COL6A6: variants seen among roughly 807,000 people sequenced by gnomAD.
The protein encoded by COL6A6 is collagen alpha-6(VI) chain.
COL6A6 carries 183 observed loss-of-function variants against 208.6 expected under a neutral mutation model. The ratio of observed to expected loss-of-function variants is 0.88; its 90% CI spans 0.78 to 0.99. COL6A6 has a LOEUF of 0.99. Among genes scored for constraint, COL6A6 ranks in the 50% least tolerant of loss-of-function variants. COL6A6 has a pLI of 0.00. For missense variants in COL6A6, 2,816 were observed against 2,815.2 expected, an observed-to-expected ratio of 1.00 and a Z score of -0.01; for synonymous variants, 973 against 1,011.8, an observed-to-expected ratio of 0.96 and a Z score of 0.73.
intron 1 of COL6A6, among the ~76,000 whole-genome samples, chr3:130,553,572 C>G (rs1009154970): frequency 6.6e-6 from 1 of 151,872 alleles, no homozygotes; most frequent in African/African-American, 2.4e-5. Flanking sequence ...TACTTAGAAT[C>G]CTTGGATTTG....
Position 130,641,703 on chromosome 3 carries a change from C to A in COL6A6, c.5143C>A (p.Pro1715Thr). Residue 1715 changes from proline (P) to threonine (T), a missense_variant, in exon 29 of 37, where the codon CCT becomes ACT. Transcript: ENST00000358511. ...EMGSPGEPGP[P>T]GRKGVKGAKG... ...GGGATCCCCTGGGGAACCAGGACCT[C>A]CTGGACGTAAGGTAAGTAGAAAAAC... 7 of 1,594,086 alleles carry A rather than the reference C, an allele frequency of 4.4e-6. No individual in the cohort carries two copies. The highest frequency in any genetic ancestry group is 6.0e-6 in the Non-Finnish European group (7 of 1,163,524).
In COL6A6 at chr3:130,566,963, C is replaced by A. The variant is rs769406385; in HGVS notation, c.1544C>A (p.Thr515Lys). The A allele has an allele frequency of 1.1e-5, 18 of 1,614,030 alleles. No homozygotes were observed. The highest frequency in any genetic ancestry group is 1.5e-5 in the Non-Finnish European group (18 of 1,179,888). ...AGGCAGATGGGTGGGAATACAAACA[C>A]AGGCGCAGCACTGAATTTCACACTG... is the stretch of plus-strand genomic sequence containing the variant. Reference protein sequence around the residue: ...NIRQMGGNTNTGAALNFTLSL... With the variant: ...NIRQMGGNTNKGAALNFTLSL... Residue 515 changes from threonine (T) to lysine (K), a missense_variant, in exon 5 of 37, where the codon ACA (threonine) becomes AAA (lysine). By Grantham distance (78) the Thr-to-Lys change is moderately conservative. Coordinates refer to ENST00000358511, the MANE Select transcript of COL6A6 (RefSeq NM_001102608.3).
chr3:130,634,983 C>T (rs960563860), intron 27 of COL6A6, among the ~76,000 whole-genome samples: 3 of 152,054 alleles, frequency 2.0e-5, no homozygotes, highest in Non-Finnish European at 4.4e-5. Context: ...GCCTGTAATC[C>T]CAGCACTTTG....
At chr3:130,616,247 A>C (rs2064517466) in intron 23 of COL6A6, among the ~76,000 whole-genome samples, 1 of 152,160 alleles carries the variant, frequency 6.6e-6, no homozygotes, top group Non-Finnish European at 1.5e-5. Flanking sequence ...CACAAGGACC[A>C]GCCACTGGAA....
rs747183500 is a variant in COL6A6, at chr3:130,641,681, A to G, written c.5121A>G (p.Gly1707=). ...CTGCTGGGCTTCCAGGAGAGATGGG[A>G]TCCCCTGGGGAACCAGGACCTCCTG... ...MISAGLPGEM[G]SPGEPGPPGR... Residue 1707 remains glycine (G), a synonymous_variant, in exon 29 of 37, where the codon GGA becomes GGG. Coordinates refer to ENST00000358511, the MANE Select transcript of COL6A6 (RefSeq NM_001102608.3). 1 of 1,601,854 alleles carries G rather than the reference A, an allele frequency of 6.2e-7. No individual in the cohort carries two copies. Among genetic ancestry groups the G allele is most frequent in the South Asian group, 1.1e-5 (1 of 90,182 alleles).
intron 3 of COL6A6, among the ~76,000 whole-genome samples, chr3:130,564,335 C>T (rs1166220468): frequency 6.6e-6 from 1 of 152,148 alleles, no homozygotes; most frequent in Non-Finnish European, 1.5e-5. Context: ...ACTCTAGTAA[C>T]AAGAATGGTC....
At chr3:130,663,235 G>C (rs2065982894) in intron 35 of COL6A6, among the ~76,000 whole-genome samples, 1 of 152,044 alleles carries the variant, frequency 6.6e-6, no homozygotes, top group Non-Finnish European at 1.5e-5. Context: ...ATTGTTGTTG[G>C]GGCTGATAGT....
At chr3:130,527,511 G>C (rs958252557) in intron 1 of COL6A6, among the ~76,000 whole-genome samples, 1 of 152,226 alleles carries the variant, frequency 6.6e-6, no homozygotes, top group Non-Finnish European at 1.5e-5. Flanking sequence ...CTGTGATTAA[G>C]AGGGAAAGGA....
intron 1 of COL6A6, among the ~76,000 whole-genome samples, chr3:130,544,955 A>G (rs1181162249): frequency 2.0e-5 from 3 of 152,186 alleles, no homozygotes; most frequent in Non-Finnish European, 2.9e-5. Flanking sequence ...TTTGCTACCA[A>G]TCTGTAAGCT....
At chr3:130,640,107 C>CCTCT (rs2065268148) in intron 28 of COL6A6, among the ~76,000 whole-genome samples, 1 of 152,178 alleles carries the variant, frequency 6.6e-6, no homozygotes, top group African/African-American at 2.4e-5. Flanking sequence ...TTTGGAGATT[C>CCTCT]CTAAAATGAT....
At chr3:130,519,552 C>T (rs1559941154) in intron 1 of COL6A6, among the ~76,000 whole-genome samples, 1 of 151,992 alleles carries the variant, frequency 6.6e-6, no homozygotes, top group East Asian at 1.9e-4. Flanking sequence ...TTTTCCTTTC[C>T]TGACCTTATT....
At chr3:130,533,838 A>G (rs1485229328) in intron 1 of COL6A6, among the ~76,000 whole-genome samples, 1 of 152,254 alleles carries the variant, frequency 6.6e-6, no homozygotes, top group Non-Finnish European at 1.5e-5. Flanking sequence ...TCAACCTACA[A>G]CTAGTTTTCT....
intron 8 of COL6A6, among the ~76,000 whole-genome samples, chr3:130,579,720 G>A (rs182092985): frequency 5.3e-5 from 8 of 152,174 alleles, no homozygotes; most frequent in Admixed American, 4.6e-4. Flanking sequence ...GTCCTTTCAA[G>A]TCACCAATGG....
intron 34 of COL6A6, among the ~76,000 whole-genome samples, chr3:130,659,331 T>C (rs1254910260): frequency 6.6e-6 from 1 of 152,246 alleles, no homozygotes; most frequent in African/African-American, 2.4e-5. Context: ...ACTAGAAAAC[T>C]GGACTCTAAT....
At chr3:130,532,849 C>T (rs77488100) in intron 1 of COL6A6, among the ~76,000 whole-genome samples, 1 of 152,126 alleles carries the variant, frequency 6.6e-6, no homozygotes, top group Non-Finnish European at 1.5e-5. Flanking sequence ...GGCACCTGGG[C>T]TGGGAGGGCT....
Position 130,574,051 on chromosome 3 carries a change from T to C in COL6A6, c.3073T>C (p.Ser1025Pro). Residue 1025 changes from serine (S) to proline (P), a missense_variant, in exon 8 of 37, where the codon TCT becomes CCT. Transcript: ENST00000358511. ...DFKKMKEFLA[S>P]VVQDFDVSLN... Reference sequence around the variant, plus strand: ...CAAGAAAATGAAGGAATTTCTGGCATCTGTTGTTCAAGACTTTGATGTCAG... The same window carrying C: ...CAAGAAAATGAAGGAATTTCTGGCACCTGTTGTTCAAGACTTTGATGTCAG... 1 of 1,614,004 alleles carries C rather than the reference T, an allele frequency of 6.2e-7. No homozygotes were observed.
rs926402711 is a variant in COL6A6 at position 130,517,270 on chromosome 3, C to G, written c.-159C>G. On this transcript the variant is annotated 5_prime_UTR_variant, in exon 1 of 37. Coordinates refer to ENST00000358511, the MANE Select transcript of COL6A6 (RefSeq NM_001102608.3). ...TTCCGAGGTCTCCACCGTCTCCCCG[C>G]GCGCCGCAGGCGGCACCAAACTCTG... 1.7e-4 allele frequency among the ~76,000 whole-genome samples: 26 copies of G among 152,312 alleles called. No individual in the cohort carries two copies. The highest frequency in any genetic ancestry group is 3.5e-4 in the Non-Finnish European group (24 of 68,038).
At position 130,658,838 on chromosome 3, in the gene COL6A6, G is replaced by A. The variant is rs949243711; in HGVS notation, c.5830+66G>A. On this transcript the variant is annotated intron_variant, in intron 34 of 36. Transcript: ENST00000358511. ...AAGCATGATGAGTCACCACTGGCAG[G>A]GGCAACTGGAACTTGGCAGCAGGGA... is the stretch of plus-strand genomic sequence containing the variant. 7.8e-6 allele frequency: 9 copies of A among 1,155,254 alleles called. No homozygotes were observed. In the African/African-American group the frequency reaches 1.4e-4, roughly 18 times the overall value. 71.6% of individuals were successfully genotyped at this position (1,155,254 alleles called of 1,614,324 possible).
At chr3:130,570,661 T>C (rs917082502) in intron 6 of COL6A6, among the ~76,000 whole-genome samples, 157 bp from the exon 7 acceptor site, 2 of 152,134 alleles carry the variant, frequency 1.3e-5, no homozygotes, top group African/African-American at 4.8e-5. Flanking sequence ...CCAGCACCAA[T>C]GTATGTGTAT....
Sources: allele counts gnomAD v4.1 joint callset (sites outside exome capture counted in the v4.1 genomes callset), GRCh38; gene constraint gnomAD v4.1.1; transcripts MANE v1.5; gene names NCBI Gene and HGNC (gene_info 2026-07-23, HGNC 2026-07-21).